ZNF536: variants seen among roughly 807,000 people sequenced by gnomAD.
ZNF536 encodes the protein zinc finger protein 536.
ZNF536 carries 13 observed loss-of-function variants against 84.5 expected under a neutral mutation model. That is an observed-to-expected ratio of 0.15 (90% CI 0.10 to 0.24). The LOEUF (loss-of-function observed/expected upper bound fraction) is 0.24, where lower values mean the gene tolerates loss of function less well. ZNF536 is among the 10% of genes least tolerant of loss of function. ZNF536 has a pLI of 1.00. For missense variants in ZNF536, 1,536 were observed against 1,747.5 expected (o/e 0.88, Z 2.16); for synonymous variants, 811 against 742.5 (o/e 1.09, Z -1.50).
intron 2 of ZNF536, among the ~76,000 whole-genome samples, chr19:30,470,318 T>C (rs2053580475): frequency 1.3e-5 from 2 of 152,330 alleles, no homozygotes; most frequent in South Asian, 2.1e-4. Context: ...CAGCTTCCCC[T>C]GTTGTTAATA....
intron 1 of ZNF536, among the ~76,000 whole-genome samples, chr19:30,595,230 T>G (rs2047418709): frequency 6.6e-6 from 1 of 152,158 alleles, no homozygotes; most frequent in African/African-American, 2.4e-5. Flanking sequence ...GCCATTGCCT[T>G]ATTACCCTCC....
intron 1 of ZNF536, among the ~76,000 whole-genome samples, chr19:30,611,250 G>A (rs555829854): frequency 6.6e-6 from 1 of 152,168 alleles, no homozygotes; most frequent in South Asian, 2.1e-4. Context: ...TCCCATCCCT[G>A]TACACCCATG....
At chr19:30,693,725 T>C (rs2051526357) in intron 1 of ZNF536, among the ~76,000 whole-genome samples, 1 of 152,244 alleles carries the variant, frequency 6.6e-6, no homozygotes, top group Admixed American at 6.5e-5. Flanking sequence ...CTTTGTAATT[T>C]TCTATTGTTC....
chr19:30,546,162 C>T lies in ZNF536; in HGVS notation c.2324-1781C>T, dbSNP rs539894868. On this transcript the variant is annotated intron_variant, in intron 3 of 4. Coordinates refer to ENST00000355537, the MANE Select transcript of ZNF536 (RefSeq NM_014717.3). ...GCTGCCCAGAAGTGCCCCATCCCAG[C>T]CTGGCCTGCGATGGGATGTCTACAT... Among the ~76,000 whole-genome samples, 12 of 152,328 alleles carry T rather than the reference C, an allele frequency of 7.9e-5. No individual in the cohort carries two copies. The East Asian group carries it at 2.1e-3, about 27-fold the overall frequency.
At chr19:30,658,118 G>A (rs550139698) in intron 1 of ZNF536, among the ~76,000 whole-genome samples, 114 of 151,696 alleles carry the variant, frequency 7.5e-4, no homozygotes, top group Non-Finnish European at 1.4e-3. Context: ...TGCCTCCCAG[G>A]TTCAAGCGAT....
intron 3 of ZNF536, among the ~76,000 whole-genome samples, chr19:30,366,589 T>C (rs2048441719): frequency 8.4e-6 from 1 of 119,248 alleles, no homozygotes. Flanking sequence ...TTTGTCTATC[T>C]ATCTATCTAT....
intron 1 of ZNF536, among the ~76,000 whole-genome samples, chr19:30,685,006 G>A (rs575571467): frequency 6.6e-6 from 1 of 152,226 alleles, no homozygotes; most frequent in Non-Finnish European, 1.5e-5. Context: ...GGCCACGCAA[G>A]TGAATTGTAC....
chr19:30,422,984 A>ACC (rs1300024375), intron 1 of ZNF536, among the ~76,000 whole-genome samples: 5 of 68,840 alleles, frequency 7.3e-5, no homozygotes, highest in African/African-American at 6.9e-5. Flanking sequence ...CATCCAACCA[A>ACC]ACATCCATCC....
chr19:30,449,334 C>A (rs758712862), intron 2 of ZNF536, among the ~76,000 whole-genome samples: 4 of 152,054 alleles, frequency 2.6e-5, no homozygotes, highest in African/African-American at 4.8e-5. Flanking sequence ...GTTTCGATGC[C>A]TCCTCATTTC....
exon 2 of ZNF536, chr19:30,712,370 T>A (rs190376591): frequency 1.3e-5 from 2 of 152,092 alleles, no homozygotes; most frequent in East Asian, 3.9e-4. Flanking sequence ...TGCTGTTGCT[T>A]GTGGTGGTAG....
At chr19:30,394,946 C>T (rs564112428) in intron 1 of ZNF536, among the ~76,000 whole-genome samples, 47 of 152,272 alleles carry the variant, frequency 3.1e-4, no homozygotes, top group African/African-American at 5.5e-4. Flanking sequence ...GCACTGGTTT[C>T]GGAGTCTTGC....
chr19:30,445,298 C>G lies in ZNF536; in HGVS notation c.1736C>G (p.Pro579Arg), dbSNP rs2052269617. ...GCAGATGGCTCCAAGCAGAAAATGCCTGCTGATTTGGTTCACAGCACTAAA... is the reference window on the plus strand; with the variant it reads ...GCAGATGGCTCCAAGCAGAAAATGCGTGCTGATTTGGTTCACAGCACTAAA... ...VGADGSKQKM[P>R]ADLVHSTKVG... Residue 579 changes from proline to arginine, a missense_variant, in exon 2 of 5, where the codon CCT becomes CGT. Coordinates refer to ENST00000355537, the MANE Select transcript of ZNF536 (RefSeq NM_014717.3). The surrounding 1 kb of genome is among the most constrained non-coding windows in gnomAD (Gnocchi z 4.5). 6.2e-7 allele frequency: 1 copy of G among 1,614,202 alleles called. No homozygotes were observed. Among genetic ancestry groups the G allele is most frequent in the Non-Finnish European group, 8.5e-7 (1 of 1,180,040 alleles).
At chr19:30,681,940 T>C (rs137904269) in intron 1 of ZNF536, among the ~76,000 whole-genome samples, 71 of 152,190 alleles carry the variant, frequency 4.7e-4, no homozygotes, top group African/African-American at 1.7e-3. Flanking sequence ...TTCCCTGAAG[T>C]TGGGGTCACT....
chr19:30,366,360 ATCTC>A (rs2048428554), intron 3 of ZNF536, among the ~76,000 whole-genome samples: 1 of 117,880 alleles, frequency 8.5e-6, no homozygotes, highest in African/African-American at 3.5e-5. Context: ...TACCTATCAT[ATCTC>A]TATCTATCTA....
intron 1 of ZNF536, among the ~76,000 whole-genome samples, chr19:30,383,311 C>A (rs1236601349): frequency 4.6e-5 from 7 of 151,888 alleles, no homozygotes; most frequent in East Asian, 1.9e-4. Context: ...AACAAACAAA[C>A]AAAAAAAACA....
intron 1 of ZNF536, among the ~76,000 whole-genome samples, chr19:30,265,003 C>T (rs1170874100): frequency 6.6e-6 from 1 of 150,704 alleles, no homozygotes; most frequent in Admixed American, 6.6e-5. Flanking sequence ...CATTGACCAA[C>T]ACTCATCTCG....
rs913536497 is a variant in ZNF536 at position 30,430,502 on chromosome 19, C to T, written c.-2-13059C>T. Reference sequence around the variant, plus strand: ...CACTGTTCGGGGTGAGGCCAAGATACCGTGGAGATAGACGGAAGGGCTCTG... The same window carrying T: ...CACTGTTCGGGGTGAGGCCAAGATATCGTGGAGATAGACGGAAGGGCTCTG... On this transcript the variant is annotated intron_variant, in intron 1 of 4. Coordinates refer to ENST00000355537, the MANE Select transcript of ZNF536 (RefSeq NM_014717.3). Among the ~76,000 whole-genome samples, 4 of 152,222 alleles carry T rather than the reference C, an allele frequency of 2.6e-5. No individual in the cohort carries two copies. In the South Asian group the frequency reaches 8.3e-4, roughly 32 times the overall value.
At chr19:30,304,815 G>A (rs939022684) in intron 2 of ZNF536, among the ~76,000 whole-genome samples, 2 of 152,226 alleles carry the variant, frequency 1.3e-5, no homozygotes, top group African/African-American at 4.8e-5. Context: ...GCCGCTGCAG[G>A]CACCATCTGG....
intron 3 of ZNF536, among the ~76,000 whole-genome samples, chr19:30,541,698 G>T (rs1450200374): frequency 6.6e-6 from 1 of 152,232 alleles, no homozygotes; most frequent in Admixed American, 6.5e-5. Context: ...CTAACAATGT[G>T]CTGTATACAG....
Sources: gnomAD v4.1 joint callset for allele counts (sites outside exome capture counted in the v4.1 genomes callset) on GRCh38, gnomAD v4.1.1 for gene constraint, Gnocchi (gnomAD v3.1) non-coding constraint, MANE v1.5 for transcripts, NCBI Gene and HGNC (gene_info 2026-07-23, HGNC 2026-07-21) for gene names.